The following CDH13 variants were observed in gnomAD, a reference collection of about 807,000 sequenced individuals.
CDH13 encodes cadherin-13.
A neutral mutation model predicts 63.8 loss-of-function variants in CDH13; 24 were observed. That is an observed-to-expected ratio of 0.38 (90% CI 0.27 to 0.53). CDH13 has a LOEUF of 0.53. Ranked by LOEUF, CDH13 falls within the 20% of genes least tolerant of loss-of-function variation. The probability of loss-of-function intolerance (pLI) is 0.85; values close to 1 mark genes in which losing one functional copy is unlikely to be tolerated. For missense variants in CDH13, 1,049 were observed against 903.1 expected (o/e 1.16, Z -2.07); for synonymous variants, 503 against 355.3 (o/e 1.42, Z -4.67).
rs1904278964 is a variant in CDH13, at chr16:83,795,981, T to C, written c.*951T>C. On this transcript the variant is annotated 3_prime_UTR_variant, in exon 14 of 14. Coordinates refer to ENST00000567109, the MANE Select transcript of CDH13 (RefSeq NM_001257.5). ...ACAGGTACCATCTTGTATACACATA[T>C]ATACCCACATGTACAGACATACATT... 1.3e-5 allele frequency: 2 copies of C among 152,774 alleles called. No individual in the cohort carries two copies. Among genetic ancestry groups the C allele is most frequent in the Non-Finnish European group, 1.5e-5 (1 of 68,032 alleles). The allele number at this position is 152,774 out of a possible 1,614,324, so 9.5% of individuals were successfully genotyped here.
chr16:83,634,891 C>A (rs888405680), intron 8 of CDH13, among the ~76,000 whole-genome samples: 9 of 152,128 alleles, frequency 5.9e-5, no homozygotes, highest in Non-Finnish European at 1.0e-4. Flanking sequence ...TTAGAGCCAC[C>A]CTGAATATTT....
chr16:82,828,147 C>T (rs1352616553), intron 1 of CDH13, among the ~76,000 whole-genome samples: 1 of 152,104 alleles, frequency 6.6e-6, no homozygotes, highest in Non-Finnish European at 1.5e-5. Flanking sequence ...TCAAGGTTTT[C>T]AATACCATCA....
chr16:82,654,973 C>G (rs1175518776), intron 1 of CDH13, among the ~76,000 whole-genome samples: 2 of 152,158 alleles, frequency 1.3e-5, no homozygotes, highest in Admixed American at 1.3e-4. Flanking sequence ...AACTGTGGAG[C>G]TGGTGGTCCC....
chr16:83,039,088 C>A (rs1425875520), intron 3 of CDH13, among the ~76,000 whole-genome samples: 1 of 152,182 alleles, frequency 6.6e-6, no homozygotes, highest in Non-Finnish European at 1.5e-5. Context: ...TCCTTATGAA[C>A]AAAGCAAAAG....
chr16:83,021,569 C>G (rs1387918774), intron 2 of CDH13, among the ~76,000 whole-genome samples: 1 of 152,114 alleles, frequency 6.6e-6, no homozygotes, highest in African/African-American at 2.4e-5. Context: ...GGTTACATGG[C>G]AAAAATAGGT....
rs2036644819 is a variant in CDH13 at position 82,797,588 on chromosome 16, A to G, written c.46-60774A>G. 2.0e-5 allele frequency among the ~76,000 whole-genome samples: 3 copies of G among 152,314 alleles called. No homozygotes were observed. The South Asian group carries it at 6.2e-4, about 32-fold the overall frequency. ...ATGTCAAGACTGCTATTTAACTAGA[A>G]AACAAAGAGACTTCCTCCACTCCAT... is the stretch of plus-strand genomic sequence containing the variant. On this transcript the variant is annotated intron_variant, in intron 1 of 13. Transcript: ENST00000567109.
chr16:82,834,571 C>CCACAGCCCACAGCT (rs1008279127), intron 1 of CDH13, among the ~76,000 whole-genome samples: 2 of 152,188 alleles, frequency 1.3e-5, no homozygotes, highest in African/African-American at 4.8e-5. Flanking sequence ...AGCCCACAGC[C>CCACAGCCCACAGCT]CACAGCCACT....
chr16:83,487,351 C>G (rs1384086187), intron 7 of CDH13, among the ~76,000 whole-genome samples: 1 of 152,194 alleles, frequency 6.6e-6, no homozygotes, highest in Non-Finnish European at 1.5e-5. Context: ...TTCTGGACAT[C>G]AGAAATCCTG....
intron 7 of CDH13, among the ~76,000 whole-genome samples, chr16:83,498,334 C>A (rs2074195838): frequency 6.6e-6 from 1 of 152,158 alleles, no homozygotes; most frequent in Non-Finnish European, 1.5e-5. Flanking sequence ...CTAGAGGCTC[C>A]AAAGGAGTCC....
At chr16:83,758,459 T>A (rs535228752) in intron 11 of CDH13, among the ~76,000 whole-genome samples, 266 of 150,404 alleles carry the variant, frequency 1.8e-3, no homozygotes, top group South Asian at 6.5e-3. Flanking sequence ...AGTCTAGTTT[T>A]AAAAAAAAAA....
At chr16:83,468,136 T>C (rs2073363939) in intron 6 of CDH13, among the ~76,000 whole-genome samples, 1 of 152,202 alleles carries the variant, frequency 6.6e-6, no homozygotes, top group Non-Finnish European at 1.5e-5. Context: ...CCTTGGACCT[T>C]GTCCATGTGA....
intron 1 of CDH13, among the ~76,000 whole-genome samples, chr16:82,637,430 T>A (rs1485699852): frequency 9.0e-6 from 1 of 111,048 alleles, no homozygotes; most frequent in East Asian, 2.4e-4. Context: ...TACTGTGCCT[T>A]TTTTTTTTTT....
At chr16:82,647,032 G>A (rs548893890) in intron 1 of CDH13, among the ~76,000 whole-genome samples, 2 of 152,254 alleles carry the variant, frequency 1.3e-5, no homozygotes, top group East Asian at 1.9e-4. Context: ...GCAGTGCCTC[G>A]CAGTACACCA....
At chr16:82,843,247 G>A (rs1393775656) in intron 1 of CDH13, among the ~76,000 whole-genome samples, 1 of 152,166 alleles carries the variant, frequency 6.6e-6, no homozygotes, top group Non-Finnish European at 1.5e-5. Flanking sequence ...TATTGTCTTG[G>A]CACTGACACA....
At chr16:83,213,619 A>C (rs2039401568) in intron 4 of CDH13, among the ~76,000 whole-genome samples, 1 of 152,180 alleles carries the variant, frequency 6.6e-6, no homozygotes, top group Non-Finnish European at 1.5e-5. Flanking sequence ...TAGAATTCCC[A>C]TGTTCGTTGC....
In CDH13 at chr16:83,369,744, C is replaced by T. The variant is rs1338826706; in HGVS notation, c.781+24738C>T. Among the ~76,000 whole-genome samples the T allele has an allele frequency of 2.0e-5, 3 of 152,096 alleles. No homozygotes were observed. The East Asian group carries it at 5.8e-4, about 29-fold the overall frequency. Reference sequence around the variant, plus strand: ...CTGTCTTCTTCTAGTCTTGATGCCTCTCCTCTCCATCTGTAGACCCCACTC... The same window carrying T: ...CTGTCTTCTTCTAGTCTTGATGCCTTTCCTCTCCATCTGTAGACCCCACTC... On this transcript the variant is annotated intron_variant, in intron 6 of 13. Coordinates refer to ENST00000567109, the MANE Select transcript of CDH13 (RefSeq NM_001257.5).
At chr16:82,712,964 C>T (rs903298131) in intron 1 of CDH13, among the ~76,000 whole-genome samples, 1 of 152,134 alleles carries the variant, frequency 6.6e-6, no homozygotes, top group East Asian at 1.9e-4. Flanking sequence ...GAATTTCTCT[C>T]TATTGACCCT....
At chr16:82,699,849 A>T (rs1201317018) in intron 1 of CDH13, among the ~76,000 whole-genome samples, 1 of 152,244 alleles carries the variant, frequency 6.6e-6, no homozygotes, top group Non-Finnish European at 1.5e-5. Context: ...TACAAACAAT[A>T]AATAATACAG....
intron 10 of CDH13, among the ~76,000 whole-genome samples, chr16:83,727,684 A>G (rs1434246797): frequency 6.6e-6 from 1 of 152,172 alleles, no homozygotes; most frequent in Non-Finnish European, 1.5e-5. Flanking sequence ...AATTGCATTC[A>G]AAGGCCAAAA....
Sources: gnomAD v4.1 joint callset for allele counts (sites outside exome capture counted in the v4.1 genomes callset) on GRCh38, gnomAD v4.1.1 for gene constraint, MANE v1.5 for transcripts, NCBI Gene and HGNC (gene_info 2026-07-23, HGNC 2026-07-21) for gene names.